TOM1L1: variants seen among roughly 807,000 people sequenced by gnomAD.
TOM1L1 encodes the protein TOM1-like protein 1.
Under a neutral mutation model 63.4 loss-of-function variants are expected in TOM1L1, and 64 were observed. The ratio of observed to expected loss-of-function variants is 1.01; its 90% CI spans 0.83 to 1.24. TOM1L1 has a LOEUF of 1.24. Ranked by LOEUF, TOM1L1 falls within the 50% of genes most tolerant of loss-of-function variation. The probability of loss-of-function intolerance (pLI) is 0.00; values close to 1 mark genes in which losing one functional copy is unlikely to be tolerated. For missense variants in TOM1L1, 536 were observed against 567.0 expected (o/e 0.95, Z 0.55); for synonymous variants, 166 against 194.4 (o/e 0.85, Z 1.22).
intron 3 of TOM1L1, among the ~76,000 whole-genome samples, chr17:54,910,058 A>G (rs2048472784): frequency 6.6e-6 from 1 of 152,186 alleles, no homozygotes; most frequent in African/African-American, 2.4e-5. Context: ...TAATCTCCAG[A>G]TGTTCACATT....
Position 54,950,115 on chromosome 17 carries a change from T to C in TOM1L1, c.1359T>C (p.Ala453=), listed in dbSNP as rs1364051002. Reference sequence around the variant, plus strand: ...TGGAGTTTGATCCCTTAGCTCCTGCTGTCACTACAGAGTAAGTCATTTACA... The same window carrying C: ...TGGAGTTTGATCCCTTAGCTCCTGCCGTCACTACAGAGTAAGTCATTTACA... ...EVMEFDPLAP[A]VTTEAIYEEI... The change falls in exon 14 of 16, where the codon GCT becomes GCC. Residue 453 remains alanine, a synonymous_variant. Transcript: ENST00000575882. 2.5e-6 allele frequency: 4 copies of C among 1,611,972 alleles called. No individual in the cohort carries two copies. In the South Asian group the frequency reaches 3.3e-5, roughly 13 times the overall value.
rs1252156756 is a variant in TOM1L1, at chr17:54,961,462, T to C, written c.*229T>C. 1 of 1,461,692 alleles carries C rather than the reference T, an allele frequency of 6.8e-7. No individual in the cohort carries two copies. 90.5% of individuals were successfully genotyped at this position (1,461,692 alleles called of 1,614,324 possible). A position where few individuals can be genotyped will look rare whatever the true frequency, so the allele number is the denominator to read the frequency against. On this transcript the variant is annotated 3_prime_UTR_variant, in exon 16 of 16. Transcript: ENST00000575882. Reference sequence around the variant, plus strand: ...AACTTGTTTGGAACAAATACTCACTTAAAACTTCAGCAGAAGAAAAATTAC... The same window carrying C: ...AACTTGTTTGGAACAAATACTCACTCAAAACTTCAGCAGAAGAAAAATTAC...
rs2048832345 is a variant in TOM1L1 at position 54,930,054 on chromosome 17, T to G, written c.721-19T>G. 6.2e-7 allele frequency: 1 copy of G among 1,613,904 alleles called. No individual in the cohort carries two copies. The highest frequency in any genetic ancestry group is 8.5e-7 in the Non-Finnish European group (1 of 1,179,908). The stretch of plus-strand genomic sequence containing the variant: ...TGTTCCAAGTGTGGAAGAAGAAATC[T>G]CTCTCCTTTCTTTGACAGAAACTCT... On this transcript the variant is annotated intron_variant, in intron 7 of 15. Coordinates refer to ENST00000575882, the MANE Select transcript of TOM1L1 (RefSeq NM_005486.3).
intron 12 of TOM1L1, 141 bp from the exon 13 acceptor site, chr17:54,949,377 C>A: frequency 1.6e-6 from 1 of 606,828 alleles, no homozygotes; most frequent in Non-Finnish European, 2.8e-6. Flanking sequence ...CCTAAAAAAA[C>A]TAAAGTAATA....
In TOM1L1 at chr17:54,937,017, A is replaced by G. The variant is rs1211437111; in HGVS notation, c.916-92A>G. On this transcript the variant is annotated intron_variant, in intron 9 of 15. Transcript: ENST00000575882. The stretch of plus-strand genomic sequence containing the variant: ...AGAATTCTTCCTTAAAATGCATCCA[A>G]ATAGGATCCTCCCCTCTACAAAGGA... 5 of 1,084,424 alleles carry G rather than the reference A, an allele frequency of 4.6e-6. No individual in the cohort carries two copies. The African/African-American group carries it at 4.7e-5, about 10-fold the overall frequency. 67.2% of individuals were successfully genotyped at this position (1,084,424 alleles called of 1,614,324 possible).
chr17:54,959,888 A>C (rs1027155693), intron 14 of TOM1L1, among the ~76,000 whole-genome samples: 2 of 151,570 alleles, frequency 1.3e-5, no homozygotes, highest in Admixed American at 1.3e-4. Flanking sequence ...GAGTGCTGGG[A>C]TTATAGGTGT....
chr17:54,930,265 C>T (rs2143856826), intron 8 of TOM1L1, 59 bp downstream of exon 8: 2 of 1,604,828 alleles, frequency 1.2e-6, no homozygotes, highest in South Asian at 1.1e-5. Context: ...CCACCAATTA[C>T]TCAGCATTCT....
chr17:54,913,413 C>G (rs2048527054), intron 4 of TOM1L1, among the ~76,000 whole-genome samples: 1 of 152,020 alleles, frequency 6.6e-6, no homozygotes, highest in Non-Finnish European at 1.5e-5. Context: ...CGCCTGTAAT[C>G]CCAGCACTTT....
At chr17:54,951,203 G>C (rs2049224981) in intron 14 of TOM1L1, among the ~76,000 whole-genome samples, 1 of 152,178 alleles carries the variant, frequency 6.6e-6, no homozygotes, top group Non-Finnish European at 1.5e-5. Flanking sequence ...TATATTTACT[G>C]GTTTATTATA....
chr17:54,918,144 G>A (rs1048162813), intron 7 of TOM1L1, among the ~76,000 whole-genome samples: 2 of 152,136 alleles, frequency 1.3e-5, no homozygotes, highest in African/African-American at 4.8e-5. Context: ...ACTCACTGTG[G>A]GCAACCTTGA....
In TOM1L1 at chr17:54,915,846, A is replaced by T. The variant is rs2048579130; in HGVS notation, c.704A>T (p.Asp235Val). The stretch of plus-strand genomic sequence containing the variant: ...ACTCCTGGGTCTGAAAACCATGAAG[A>T]CATAGAGCTTCTGCAGGTGTTGTAC... ...ENTPGSENHE[D>V]IELLQKLYKT... is the part of the protein sequence containing the mutation. The change falls in exon 7 of 16, where the codon GAC (aspartate) becomes GTC (valine). Residue 235 changes from aspartate (D) to valine (V), a missense_variant. Physicochemically the swap from Asp to Val is radical, Grantham distance 152. Coordinates refer to ENST00000575882, the MANE Select transcript of TOM1L1 (RefSeq NM_005486.3). 1.9e-6 allele frequency: 3 copies of T among 1,613,328 alleles called. No homozygotes were observed. The Admixed American group carries it at 5.0e-5, about 27-fold the overall frequency.
chr17:54,914,288 A>C (rs1322219504), intron 5 of TOM1L1, among the ~76,000 whole-genome samples: 1 of 151,904 alleles, frequency 6.6e-6, no homozygotes, highest in African/African-American at 2.4e-5. Context: ...CTTGACATGA[A>C]TTGAGCTACC....
At chr17:54,931,026 T>C (rs1313772258) in intron 8 of TOM1L1, among the ~76,000 whole-genome samples, 1 of 151,746 alleles carries the variant, frequency 6.6e-6, no homozygotes, top group African/African-American at 2.4e-5. Context: ...GGTGATGGAG[T>C]GAAATCCCAC....
At chr17:54,947,965 C>T (rs1408869253) in intron 12 of TOM1L1, among the ~76,000 whole-genome samples, 1 of 152,200 alleles carries the variant, frequency 6.6e-6, no homozygotes, top group East Asian at 1.9e-4. Context: ...TCTTCCCAGT[C>T]TCCACTCTCA....
chr17:54,956,691 T>C, intron 14 of TOM1L1: 1 of 152,198 alleles, frequency 6.6e-6, no homozygotes, highest in Non-Finnish European at 1.5e-5. Flanking sequence ...GCAATCCTCC[T>C]GCCTCAGCCT....
In TOM1L1 at chr17:54,930,059, C is replaced by G; in HGVS notation, c.721-14C>G. On this transcript the variant is annotated splice_polypyrimidine_tract_variant and intron_variant, in intron 7 of 15. Transcript: ENST00000575882. ...CAAGTGTGGAAGAAGAAATCTCTCT[C>G]CTTTCTTTGACAGAAACTCTATAAA... 3.1e-6 allele frequency: 5 copies of G among 1,613,920 alleles called. No individual in the cohort carries two copies. The highest frequency in any genetic ancestry group is 4.2e-6 in the Non-Finnish European group (5 of 1,179,896).
chr17:54,960,464 C>A, intron 14 of TOM1L1, 102 bp from the exon 15 acceptor site: 1 of 838,194 alleles, frequency 1.2e-6, no homozygotes, highest in Middle Eastern at 3.4e-4. Flanking sequence ...AGCCTGAACT[C>A]CAAAACCAGC....
At chr17:54,901,075 C>A in intron 1 of TOM1L1, 152 bp downstream of exon 1, 3 of 1,003,240 alleles carry the variant, frequency 3.0e-6, no homozygotes, top group Non-Finnish European at 4.4e-6. Context: ...ACCCGCATTC[C>A]ACCCGGCCCC....
chr17:54,900,933 C>A lies in TOM1L1; in HGVS notation c.58+10C>A. On this transcript the variant is annotated intron_variant, in intron 1 of 15. Transcript: ENST00000575882. ...GTGGGCCACCTCATAGGTAAGGAGGCGCGGGGAGAGACGCCCAGGCAGGCA... is the reference window on the plus strand; with the variant it reads ...GTGGGCCACCTCATAGGTAAGGAGGAGCGGGGAGAGACGCCCAGGCAGGCA... 1 of 1,613,790 alleles carries A rather than the reference C, an allele frequency of 6.2e-7. No individual in the cohort carries two copies. Among genetic ancestry groups the A allele is most frequent in the Non-Finnish European group, 8.5e-7 (1 of 1,180,006 alleles).
Sources: allele counts gnomAD v4.1 joint callset (sites outside exome capture counted in the v4.1 genomes callset), GRCh38; gene constraint gnomAD v4.1.1; transcripts MANE v1.5; gene names NCBI Gene and HGNC (gene_info 2026-07-23, HGNC 2026-07-21).